PTPRE: variants seen among roughly 807,000 people sequenced by gnomAD.
PTPRE encodes receptor-type tyrosine-protein phosphatase epsilon.
Under a neutral mutation model 102.0 loss-of-function variants are expected in PTPRE, and 51 were observed. The observed-to-expected ratio is 0.50, with a 90% CI of 0.40 to 0.63. PTPRE has a LOEUF of 0.63. PTPRE is among the 30% of genes least tolerant of loss of function. The pLI is 0.00. For missense variants in PTPRE, 752 were observed against 915.1 expected (o/e 0.82, Z 2.30); for synonymous variants, 345 against 348.2 (o/e 0.99, Z 0.10).
intron 2 of PTPRE, among the ~76,000 whole-genome samples, 176 bp from the exon 3 acceptor site, chr10:128,040,699 C>A (rs1395733118): frequency 1.3e-5 from 2 of 152,162 alleles, no homozygotes; most frequent in South Asian, 2.1e-4. Context: ...GTGACTGTAT[C>A]CCCCTGGTGT....
At chr10:127,910,022 C>T (rs1385643896) in intron 1 of PTPRE, among the ~76,000 whole-genome samples, 1 of 152,216 alleles carries the variant, frequency 6.6e-6, no homozygotes, top group Non-Finnish European at 1.5e-5. Flanking sequence ...AGGATCGAAG[C>T]TGCCCCGTAT....
At chr10:128,016,688 C>A (rs1377088754) in intron 2 of PTPRE, among the ~76,000 whole-genome samples, 1 of 151,954 alleles carries the variant, frequency 6.6e-6, no homozygotes, top group Non-Finnish European at 1.5e-5. Context: ...ACCACAGGGA[C>A]AGCCAGAAAG....
chr10:128,044,864 T>A (rs975003305), intron 3 of PTPRE, among the ~76,000 whole-genome samples: 6 of 152,272 alleles, frequency 3.9e-5, no homozygotes, highest in Admixed American at 1.3e-4. Flanking sequence ...AAAATGTTTT[T>A]AAATTGAATT....
chr10:128,007,259 CT>C (rs1854659100), intron 2 of PTPRE, among the ~76,000 whole-genome samples: 1 of 152,080 alleles, frequency 6.6e-6, no homozygotes, highest in African/African-American at 2.4e-5. Context: ...TTTCATAAAC[CT>C]TTTGGCTAGT....
rs545640654 is a variant in PTPRE at position 127,999,135 on chromosome 10, G to C, written c.-8+16839G>C. On this transcript the variant is annotated intron_variant, in intron 2 of 20. Transcript: ENST00000254667. ...TCAGTTACAAGAAATGGACAAGTCCGAGAGCTCTGCTGTGCCACATCATGC... is the reference window on the plus strand; with the variant it reads ...TCAGTTACAAGAAATGGACAAGTCCCAGAGCTCTGCTGTGCCACATCATGC... 5.8e-4 allele frequency: 88 copies of C among 152,288 alleles called. 1 individual carries two copies. Among genetic ancestry groups the C allele is most frequent in the African/African-American group, 1.9e-3 (78 of 41,554 alleles). The allele number at this position is 152,288 out of a possible 1,614,324, so 9.4% of individuals were successfully genotyped here. A position where few individuals can be genotyped will look rare whatever the true frequency, so the allele number is the denominator to read the frequency against.
At chr10:128,011,159 T>G (rs1037362141) in intron 2 of PTPRE, among the ~76,000 whole-genome samples, 1 of 152,186 alleles carries the variant, frequency 6.6e-6, no homozygotes, top group Non-Finnish European at 1.5e-5. Flanking sequence ...GCAAGAAAAG[T>G]CCATTTGGGT....
chr10:128,004,734 C>A (rs1854339055), intron 2 of PTPRE, among the ~76,000 whole-genome samples: 1 of 152,168 alleles, frequency 6.6e-6, no homozygotes, highest in South Asian at 2.1e-4. Context: ...TCTTTGAACA[C>A]ATTTTCAGTT....
rs200125787 is a variant in PTPRE, at chr10:128,049,620, G to A, written c.374G>A (p.Arg125His). The A allele has an allele frequency of 6.1e-5, 98 of 1,613,968 alleles. No homozygotes were observed. The highest frequency in any genetic ancestry group is 3.4e-4 in the South Asian group (31 of 91,076). ...GTGGAGCACCTGGAGGAGGAGATCC[G>A]TATCAGATCCGCCGACGACTGCAAG... is the stretch of plus-strand genomic sequence containing the variant. ...IPVEHLEEEI[R>H]IRSADDCKQF... Residue 125 changes from arginine to histidine, a missense_variant, in exon 6 of 21, where the codon CGT becomes CAT. Arg to His is a conservative substitution (Grantham distance 29, BLOSUM62 0). Transcript: ENST00000254667.
chr10:128,022,878 A>C lies in PTPRE; in HGVS notation c.-7-17997A>C, dbSNP rs76297630. Among the ~76,000 whole-genome samples the C allele has an allele frequency of 1.3e-3, 197 of 152,226 alleles. 2 individuals are homozygous for C. The East Asian group carries it at 0.034, about 26-fold the overall frequency. On this transcript the variant is annotated intron_variant, in intron 2 of 20. Transcript: ENST00000254667. ...AAACCGCCATCGCTGCTCCAAAGTC[A>C]CCCTTGGAATTGTAGTAATTTTGAC...
At chr10:128,067,199 CAT>C (rs57935068) in intron 11 of PTPRE, among the ~76,000 whole-genome samples, 12,731 of 142,270 alleles carry the variant, frequency 0.089, 564 homozygotes, top group East Asian at 0.15. Context: ...TGTGCACACA[CAT>C]ACACCCACAC....
chr10:128,018,872 TCA>T lies in PTPRE; in HGVS notation c.-7-21987_-7-21986del, dbSNP rs71971604. The stretch of plus-strand genomic sequence containing the variant: ...CTCTGCATCTCTGTCTCTCTCTCTC[TCA>T]CACACACACACACACTCACACAGCA... On this transcript the variant is annotated intron_variant, in intron 2 of 20. Coordinates refer to ENST00000254667, the MANE Select transcript of PTPRE (RefSeq NM_006504.6). Among the ~76,000 whole-genome samples, 222 of 151,042 alleles carry T rather than the reference TCA, an allele frequency of 1.5e-3. 1 individual carries two copies. The highest frequency in any genetic ancestry group is 5.2e-3 in the African/African-American group (215 of 41,232).
At chr10:128,075,696 G>A (rs1851162711) in intron 17 of PTPRE, among the ~76,000 whole-genome samples, 1 of 152,176 alleles carries the variant, frequency 6.6e-6, no homozygotes, top group African/African-American at 2.4e-5. Flanking sequence ...TTCTCAAGGT[G>A]TCCTAATTAT....
chr10:128,082,191 C>CTT (rs1564982467), intron 20 of PTPRE, among the ~76,000 whole-genome samples: 2 of 55,404 alleles, frequency 3.6e-5, no homozygotes, highest in Non-Finnish European at 6.3e-5. Flanking sequence ...ATTTTTTTCT[C>CTT]TTTCTTTTTT....
At chr10:128,069,568 C>G (rs1319714599) in intron 12 of PTPRE, 124 bp from the exon 13 acceptor site, 11 of 1,344,606 alleles carry the variant, frequency 8.2e-6, no homozygotes, top group Non-Finnish European at 1.1e-5. Flanking sequence ...TAGCTTTGCT[C>G]CTAATTAACC....
At chr10:127,942,878 T>A (rs1308001731) in intron 1 of PTPRE, among the ~76,000 whole-genome samples, 1 of 152,248 alleles carries the variant, frequency 6.6e-6, no homozygotes, top group Non-Finnish European at 1.5e-5. Flanking sequence ...AATTTCATTT[T>A]ACACGTACAT....
At chr10:127,946,785 G>A (rs1260830697) in intron 1 of PTPRE, among the ~76,000 whole-genome samples, 2 of 152,198 alleles carry the variant, frequency 1.3e-5, no homozygotes, top group Non-Finnish European at 2.9e-5. Context: ...TGTAATCCCA[G>A]CACTCTGAGA....
intron 2 of PTPRE, among the ~76,000 whole-genome samples, chr10:128,032,594 G>A (rs1846861522): frequency 6.6e-6 from 1 of 152,224 alleles, no homozygotes; most frequent in East Asian, 1.9e-4. Context: ...TTGGAGAAGA[G>A]TGGGTTAGAA....
At chr10:128,043,371 G>A (rs938683309) in intron 3 of PTPRE, among the ~76,000 whole-genome samples, 10 of 152,198 alleles carry the variant, frequency 6.6e-5, no homozygotes, top group African/African-American at 2.2e-4. Flanking sequence ...CTAGATCCCT[G>A]GCATGCGCAG....
intron 1 of PTPRE, among the ~76,000 whole-genome samples, chr10:127,922,505 G>T (rs560348578): frequency 1.3e-5 from 2 of 152,340 alleles, no homozygotes; most frequent in Middle Eastern, 3.4e-3. Flanking sequence ...CTCATGCCAG[G>T]AGCTGTGCTC....
Sources: allele counts gnomAD v4.1 joint callset (sites outside exome capture counted in the v4.1 genomes callset), GRCh38; gene constraint gnomAD v4.1.1; transcripts MANE v1.5; gene names NCBI Gene and HGNC (gene_info 2026-07-23, HGNC 2026-07-21).